KLF16: variants seen among roughly 807,000 people sequenced by gnomAD.
KLF16 encodes the protein KLF transcription factor 16, also known as Krueppel-like factor 16.
A neutral mutation model predicts 6.1 loss-of-function variants in KLF16; 6 were observed. The ratio of observed to expected loss-of-function variants is 0.98; its 90% CI spans 0.54 to 1.93. KLF16 has a LOEUF of 1.93. Ranked by LOEUF, KLF16 falls within the 30% of genes most tolerant of loss-of-function variation. The pLI, the probability that KLF16 is intolerant of heterozygous loss-of-function variation, is 0.01. For missense variants in KLF16, 355 were observed against 363.8 expected (o/e 0.98, Z 0.20); for synonymous variants, 211 against 176.5 (o/e 1.20, Z -1.55).
chr19:1,871,568 C>T, the KLF16 span, among the ~76,000 whole-genome samples: 1 of 152,156 alleles, frequency 6.6e-6, no homozygotes, highest in Non-Finnish European at 1.5e-5. Flanking sequence ...GTGACCAAAA[C>T]GCCGACCCCC....
intron 1 of KLF16, among the ~76,000 whole-genome samples, chr19:1,856,099 G>A (rs563448879): frequency 1.3e-5 from 2 of 152,248 alleles, no homozygotes; most frequent in African/African-American, 4.8e-5. Flanking sequence ...CTGGCCCTGG[G>A]AGCACTCCCA....
intron 1 of KLF16, among the ~76,000 whole-genome samples, chr19:1,860,693 T>A (rs976949172): frequency 6.6e-6 from 1 of 152,192 alleles, no homozygotes; most frequent in African/African-American, 2.4e-5. Flanking sequence ...ATGGCCTTCC[T>A]GTCCCCCAAA....
upstream of KLF16, among the ~76,000 whole-genome samples, chr19:1,865,084 G>C (rs1372843470): frequency 6.6e-6 from 1 of 152,202 alleles, no homozygotes; most frequent in East Asian, 1.9e-4. Flanking sequence ...CTGCGCCTGG[G>C]CTCAACCATG....
At position 1,863,562 on chromosome 19, in the gene KLF16, G is replaced by A. The variant is rs1568734998; in HGVS notation, c.-65C>T. 6 of 829,484 alleles carry A rather than the reference G, an allele frequency of 7.2e-6. No homozygotes were observed. Among genetic ancestry groups the A allele is most frequent in the Non-Finnish European group, 8.7e-6 (6 of 690,488 alleles). The allele number at this position is 829,484 out of a possible 1,614,324, so 51.4% of individuals were successfully genotyped here. On this transcript the variant is annotated 5_prime_UTR_variant, in exon 1 of 2. Transcript: ENST00000250916. ...CGGCGGGAGCGGCGTCCGTCCGGCC[G>A]GCGGCGGCTGCTCGAGTGCGGGAGG...
chr19:1,854,855 T>C lies in KLF16; in HGVS notation c.458-95A>G, dbSNP rs1429920611. On this transcript the variant is annotated intron_variant, in intron 1 of 1. Transcript: ENST00000250916. ...GATCCCAAAGGGTGGCGGGCATTTG[T>C]CCCGTGCCGTTTTAGAGGCTGAGCT... 8.7e-6 allele frequency: 12 copies of C among 1,375,206 alleles called. No homozygotes were observed. The African/African-American group carries it at 1.2e-4, about 13-fold the overall frequency. The allele number at this position is 1,375,206 out of a possible 1,614,324, so 85.2% of individuals were successfully genotyped here. A position where few individuals can be genotyped will look rare whatever the true frequency, so the allele number is the denominator to read the frequency against.
chr19:1,856,332 C>G (rs547956626), intron 1 of KLF16, among the ~76,000 whole-genome samples: 1 of 152,286 alleles, frequency 6.6e-6, no homozygotes, highest in South Asian at 2.1e-4. Flanking sequence ...CACCCGTGAC[C>G]CAAGAAGAGC....
rs946982609 is a variant in KLF16 at position 1,852,802 on chromosome 19, G to C, written c.*1657C>G. On this transcript the variant is annotated 3_prime_UTR_variant, in exon 2 of 2. Transcript: ENST00000250916. ...AGGGACAGAGAACACAGAGAGCCGA[G>C]GGCTGGATGGGGCAGGACCCTCCGA... 2.0e-5 allele frequency: 3 copies of C among 152,074 alleles called. No homozygotes were observed. The highest frequency in any genetic ancestry group is 2.1e-4 in the South Asian group (1 of 4,826). 9.4% of individuals were successfully genotyped at this position (152,074 alleles called of 1,614,324 possible). A position where few individuals can be genotyped will look rare whatever the true frequency, so the allele number is the denominator to read the frequency against.
chr19:1,871,019 C>T, the KLF16 span, among the ~76,000 whole-genome samples: 3 of 152,068 alleles, frequency 2.0e-5, 1 homozygote, highest in African/African-American at 4.8e-5. Flanking sequence ...AAGAAAGATC[C>T]GTAAGGAAAG....
At chr19:1,868,357 C>T (rs2012220329), upstream of KLF16, among the ~76,000 whole-genome samples, 1 of 151,902 alleles carries the variant, frequency 6.6e-6, no homozygotes, top group Non-Finnish European at 1.5e-5. Flanking sequence ...GTCTCGGCGA[C>T]CCCTGCTAGG....
upstream of KLF16, among the ~76,000 whole-genome samples, chr19:1,867,367 C>T (rs1203643926): frequency 6.6e-6 from 1 of 152,168 alleles, no homozygotes; most frequent in Non-Finnish European, 1.5e-5. Flanking sequence ...CCCAGGAGTT[C>T]AAGACCAGCC....
At position 1,857,044 on chromosome 19, in the gene KLF16, C is replaced by T. The variant is rs1239275063; in HGVS notation, c.458-2284G>A. On this transcript the variant is annotated intron_variant, in intron 1 of 1. Transcript: ENST00000250916. The surrounding 1 kb of genome is among the most constrained non-coding windows in gnomAD (Gnocchi z 4.7). ...CGGCGGCGGCGGGGACATCCGCAGC[C>T]CCAGCCGGCCCCGCTCACGTGGTCC... 6.6e-6 allele frequency among the ~76,000 whole-genome samples: 1 copy of T among 151,266 alleles called. No homozygotes were observed. Among genetic ancestry groups the T allele is most frequent in the Non-Finnish European group, 1.5e-5 (1 of 67,868 alleles).
At chr19:1,856,957 G>A (rs868808092) in intron 1 of KLF16, among the ~76,000 whole-genome samples, 6 of 137,010 alleles carry the variant, frequency 4.4e-5, no homozygotes, top group East Asian at 2.3e-4. Flanking sequence ...TGCCGGGGTG[G>A]GGGGGGCGAC....
chr19:1,855,347 G>A (rs1045884600), intron 1 of KLF16, among the ~76,000 whole-genome samples: 3 of 152,136 alleles, frequency 2.0e-5, no homozygotes, highest in Non-Finnish European at 4.4e-5. Flanking sequence ...GGAGGAACCC[G>A]CAGGCACAGT....
chr19:1,854,738 G>C lies in KLF16; in HGVS notation c.480C>G (p.Asp160Glu). The C allele has an allele frequency of 6.3e-7, 1 of 1,598,940 alleles. No homozygotes were observed. The highest frequency in any genetic ancestry group is 8.5e-7 in the Non-Finnish European group (1 of 1,179,516). ...THTGERPFACDWQGCDKKFAR... is the reference protein window; with the variant it reads ...THTGERPFACEWQGCDKKFAR... ...CGAACTTCTTGTCGCAGCCCTGCCA[G>C]TCACAAGCAAAAGGGCGTTCCCCTG... is the stretch of plus-strand genomic sequence containing the variant. The change falls in exon 2 of 2, where the codon GAC becomes GAG. Residue 160 changes from aspartate to glutamate, a missense_variant. Transcript: ENST00000250916.
At chr19:1,873,659 T>C in the KLF16 span, among the ~76,000 whole-genome samples, 27 of 151,990 alleles carry the variant, frequency 1.8e-4, no homozygotes, top group African/African-American at 6.5e-4. Context: ...AAGTTGGCCC[T>C]ACTCCCAGGT....
At chr19:1,854,875 T>TGAACTCACACCA in intron 1 of KLF16, 115 bp from the exon 2 acceptor site, 1 of 1,101,758 alleles carries the variant, frequency 9.1e-7, no homozygotes. Context: ...TTTTAGAGGC[T>TGAACTCACACCA]GAGCTCTGGT....
chr19:1,870,826 T>C, the KLF16 span, among the ~76,000 whole-genome samples: 14 of 151,814 alleles, frequency 9.2e-5, no homozygotes, highest in East Asian at 1.5e-3. Context: ...TGAAACCCCG[T>C]CTCTACTAAA....
At chr19:1,872,940 C>T in the KLF16 span, among the ~76,000 whole-genome samples, 1 of 152,074 alleles carries the variant, frequency 6.6e-6, no homozygotes, top group Non-Finnish European at 1.5e-5. Context: ...GTTAACAAGG[C>T]GGCCCTGCAC....
Position 1,857,714 on chromosome 19 carries a change from A to C in KLF16, c.458-2954T>G, listed in dbSNP as rs2011983458. On this transcript the variant is annotated intron_variant, in intron 1 of 1. Coordinates refer to ENST00000250916, the MANE Select transcript of KLF16 (RefSeq NM_031918.4). The surrounding 1 kb of genome is among the most constrained non-coding windows in gnomAD (Gnocchi z 4.7). ...GCTGCCTGCCGGGGCACTCACGTCC[A>C]CCTAACAGGTGGGGTCGGGTCTGTA... 6.6e-6 allele frequency among the ~76,000 whole-genome samples: 1 copy of C among 151,332 alleles called. No homozygotes were observed. The highest frequency in any genetic ancestry group is 1.5e-5 in the Non-Finnish European group (1 of 67,780).
Sources: gnomAD v4.1 joint callset for allele counts (sites outside exome capture counted in the v4.1 genomes callset) on GRCh38, gnomAD v4.1.1 for gene constraint, Gnocchi (gnomAD v3.1) non-coding constraint, MANE v1.5 for transcripts, NCBI Gene and HGNC (gene_info 2026-07-23, HGNC 2026-07-21) for gene names.